MYO10: variants seen among roughly 807,000 people sequenced by gnomAD.
MYO10 encodes the protein myosin X.
Under a neutral mutation model 257.3 loss-of-function variants are expected in MYO10, and 133 were observed. That is an observed-to-expected ratio of 0.52 (90% CI 0.45 to 0.60). The LOEUF (loss-of-function observed/expected upper bound fraction) is 0.60. Ranked by LOEUF, MYO10 falls within the 20% of genes least tolerant of loss-of-function variation. The pLI is 0.00. For synonymous variants in MYO10, 1,104 were observed against 1,028.6 expected (o/e 1.07, Z -1.40); for missense variants, 2,399 against 2,635.7 (o/e 0.91, Z 1.97).
intron 1 of MYO10, among the ~76,000 whole-genome samples, chr5:16,896,230 G>A (rs1745214056): frequency 6.6e-6 from 1 of 152,170 alleles, no homozygotes; most frequent in South Asian, 2.1e-4. Context: ...AGGCAGGGGT[G>A]GGAGGATTGC....
rs1456285208 is a variant in MYO10 at position 16,722,923 on chromosome 5, A to G, written c.1930-11678T>C. Among the ~76,000 whole-genome samples, 5 of 152,262 alleles carry G rather than the reference A, an allele frequency of 3.3e-5. No individual in the cohort carries two copies. In the South Asian group the frequency reaches 6.2e-4, roughly 19 times the overall value. On this transcript the variant is annotated intron_variant, in intron 19 of 40. Transcript: ENST00000513610. ...AGACTGAAAAATATTTGGAAAATACACACTAAGAAAGACTGTATCAAAAAT... is the reference window on the plus strand; with the variant it reads ...AGACTGAAAAATATTTGGAAAATACGCACTAAGAAAGACTGTATCAAAAAT...
chr5:16,753,970 T>C (rs1335858660), intron 19 of MYO10, among the ~76,000 whole-genome samples: 3 of 152,176 alleles, frequency 2.0e-5, no homozygotes, highest in Admixed American at 6.5e-5. Flanking sequence ...CATCTAGTTC[T>C]TTAACATTAG....
At chr5:16,738,425 AC>A (rs1425905823) in intron 19 of MYO10, 1 of 984,582 alleles carries the variant, frequency 1.0e-6, no homozygotes, top group Non-Finnish European at 1.2e-6. Context: ...GAAAATAGTC[AC>A]AGACTCTTTT....
chr5:16,669,144 A>G, intron 39 of MYO10, among the ~76,000 whole-genome samples: 1 of 152,194 alleles, frequency 6.6e-6, no homozygotes, highest in East Asian at 1.9e-4. Flanking sequence ...GAGACGCTGA[A>G]AAGAGTCTCT....
At chr5:16,678,715 G>C (rs1736848729) in intron 33 of MYO10, among the ~76,000 whole-genome samples, 1 of 152,244 alleles carries the variant, frequency 6.6e-6, no homozygotes, top group African/African-American at 2.4e-5. Context: ...TGATGGATTA[G>C]ATCCTCTCCC....
chr5:16,763,804 T>A, intron 12 of MYO10, 49 bp from the exon 13 acceptor site: 1 of 1,089,826 alleles, frequency 9.2e-7, no homozygotes, highest in Non-Finnish European at 1.4e-6. Context: ...CTCACGATTA[T>A]ATAGAAAGGT....
At chr5:16,898,562 G>A (rs1052525788) in intron 1 of MYO10, among the ~76,000 whole-genome samples, 15 of 151,756 alleles carry the variant, frequency 9.9e-5, no homozygotes, top group South Asian at 8.3e-4. Context: ...ACAGGGGCCC[G>A]CCACACCCGG....
intron 21 of MYO10, among the ~76,000 whole-genome samples, chr5:16,704,991 T>G (rs1738263387): frequency 6.6e-6 from 1 of 152,210 alleles, no homozygotes; most frequent in South Asian, 2.1e-4. Context: ...CTATCTAAGC[T>G]TCTCAACACT....
In MYO10 at chr5:16,836,828, C is replaced by A. The variant is rs534244858; in HGVS notation, c.121-18661G>T. Among the ~76,000 whole-genome samples, 229 of 152,226 alleles carry A rather than the reference C, an allele frequency of 1.5e-3. 3 individuals are homozygous for A. The highest frequency in any genetic ancestry group is 5.3e-3 in the African/African-American group (219 of 41,522). Reference sequence around the variant, plus strand: ...TAAATACAGTTACCATATGATCCAGCAATTCACTCCTAGATATATACCCAA... The same window carrying A: ...TAAATACAGTTACCATATGATCCAGAAATTCACTCCTAGATATATACCCAA... On this transcript the variant is annotated intron_variant, in intron 2 of 40. Transcript: ENST00000513610.
chr5:16,913,417 T>C (rs921102859), intron 1 of MYO10, among the ~76,000 whole-genome samples: 7 of 152,240 alleles, frequency 4.6e-5, no homozygotes, highest in South Asian at 4.1e-4. Context: ...TGCTTCTCCT[T>C]GTATATACGT....
chr5:16,801,223 T>C (rs1742110170), intron 3 of MYO10, among the ~76,000 whole-genome samples: 1 of 152,162 alleles, frequency 6.6e-6, no homozygotes, highest in Non-Finnish European at 1.5e-5. Context: ...TTTATTTATT[T>C]TTGAGACAGA....
At chr5:16,723,201 A>C (rs1348465755) in intron 19 of MYO10, among the ~76,000 whole-genome samples, 1 of 151,772 alleles carries the variant, frequency 6.6e-6, no homozygotes, top group African/African-American at 2.4e-5. Context: ...TGGCTAACAC[A>C]GTGAAACCCC....
chr5:16,681,836 G>A (rs374356229), intron 31 of MYO10, 35 bp downstream of exon 31: 2 of 1,607,950 alleles, frequency 1.2e-6, no homozygotes, highest in Non-Finnish European at 1.7e-6. Context: ...AGGGGAGTCT[G>A]TTAAGCAGAC....
chr5:16,793,719 C>A (rs958171190), intron 4 of MYO10, among the ~76,000 whole-genome samples: 1 of 152,054 alleles, frequency 6.6e-6, no homozygotes, highest in East Asian at 1.9e-4. Context: ...CACCTGAGGT[C>A]GGGAGTTTAA....
rs2126663220 is a variant in MYO10, at chr5:16,775,231, TCA to T, written c.930+4312_930+4313del. Among the ~76,000 whole-genome samples, 3 of 152,338 alleles carry T rather than the reference TCA, an allele frequency of 2.0e-5. No individual in the cohort carries two copies. The South Asian group carries it at 6.2e-4, about 32-fold the overall frequency. On this transcript the variant is annotated intron_variant, in intron 9 of 40. Coordinates refer to ENST00000513610, the MANE Select transcript of MYO10 (RefSeq NM_012334.3). ...AATGCCTATGAAATTTAGCATAGGTTCATTGCCTCTGCCCCAGGAAAAACCAA... is the reference window on the plus strand; with the variant it reads ...AATGCCTATGAAATTTAGCATAGGTTTTGCCTCTGCCCCAGGAAAAACCAA...
chr5:16,838,014 T>C (rs1743365242), intron 2 of MYO10, among the ~76,000 whole-genome samples: 1 of 152,196 alleles, frequency 6.6e-6, no homozygotes, highest in Admixed American at 6.5e-5. Context: ...CTAATGTGTG[T>C]TCTGACTGCT....
intron 1 of MYO10, among the ~76,000 whole-genome samples, chr5:16,882,540 A>G (rs780154450): frequency 2.0e-5 from 3 of 152,194 alleles, no homozygotes; most frequent in Non-Finnish European, 4.4e-5. Flanking sequence ...CTCAGAATAA[A>G]TCCATACAAT....
chr5:16,728,232 A>C (rs1298238925), intron 19 of MYO10, among the ~76,000 whole-genome samples: 1 of 152,092 alleles, frequency 6.6e-6, no homozygotes, highest in Non-Finnish European at 1.5e-5. Context: ...TGCATGGACT[A>C]CTGCACACGG....
At chr5:16,780,242 GA>G (rs1187346576) in intron 8 of MYO10, among the ~76,000 whole-genome samples, 9 of 151,936 alleles carry the variant, frequency 5.9e-5, no homozygotes, top group African/African-American at 2.2e-4. Context: ...CAGGGTGGCT[GA>G]AAAGTGAAAC....
Sources: gnomAD v4.1 joint callset for allele counts (sites outside exome capture counted in the v4.1 genomes callset) on GRCh38, gnomAD v4.1.1 for gene constraint, MANE v1.5 for transcripts, NCBI Gene and HGNC (gene_info 2026-07-23, HGNC 2026-07-21) for gene names.